The following TTC28 variants were observed in gnomAD, a reference collection of about 807,000 sequenced individuals.
The protein encoded by TTC28 is tetratricopeptide repeat protein 28.
A neutral mutation model predicts 198.0 loss-of-function variants in TTC28; 61 were observed. The observed-to-expected ratio is 0.31, with a 90% CI of 0.25 to 0.38. The LOEUF (loss-of-function observed/expected upper bound fraction) is 0.38. Among genes scored for constraint, TTC28 ranks in the 10% least tolerant of loss-of-function variants. The pLI, the probability that TTC28 is intolerant of heterozygous loss-of-function variation, is 1.00. For missense variants in TTC28, 2,678 were observed against 3,164.0 expected, an observed-to-expected ratio of 0.85 and a Z score of 3.69; for synonymous variants, 1,171 against 1,297.8, an observed-to-expected ratio of 0.90 and a Z score of 2.10.
At chr22:28,374,030 T>C (rs1269194349) in intron 2 of TTC28, among the ~76,000 whole-genome samples, 2 of 152,238 alleles carry the variant, frequency 1.3e-5, no homozygotes, top group East Asian at 1.9e-4. Flanking sequence ...TACTTAGTCA[T>C]AGACATCTGA....
intron 6 of TTC28, among the ~76,000 whole-genome samples, chr22:28,122,215 G>A (rs538602122): frequency 1.8e-4 from 27 of 152,058 alleles, no homozygotes; most frequent in Non-Finnish European, 2.8e-4. Context: ...TTACTTATTC[G>A]AATGAGTCAT....
chr22:28,124,194 TG>T (rs1164800584), intron 6 of TTC28, among the ~76,000 whole-genome samples: 1 of 151,092 alleles, frequency 6.6e-6, no homozygotes, highest in East Asian at 1.9e-4. Context: ...TTGTTGTTGT[TG>T]TTGTTTGTTT....
At chr22:28,329,859 C>G (rs973884943) in intron 2 of TTC28, among the ~76,000 whole-genome samples, 1 of 152,198 alleles carries the variant, frequency 6.6e-6, no homozygotes, top group African/African-American at 2.4e-5. Flanking sequence ...TCTTGCCTAA[C>G]ATTTCTTACC....
intron 2 of TTC28, among the ~76,000 whole-genome samples, chr22:28,356,197 C>T (rs2046074995): frequency 6.6e-6 from 1 of 152,172 alleles, no homozygotes; most frequent in Non-Finnish European, 1.5e-5. Flanking sequence ...TCTACTCCAG[C>T]TACTACTCTC....
At chr22:28,496,355 G>A (rs1478888858) in intron 2 of TTC28, among the ~76,000 whole-genome samples, 2 of 151,942 alleles carry the variant, frequency 1.3e-5, no homozygotes, top group Non-Finnish European at 2.9e-5. Context: ...CCAAAACCAA[G>A]CTCCAGATCT....
At chr22:28,596,167 T>C (rs531888115) in intron 2 of TTC28, among the ~76,000 whole-genome samples, 3 of 152,304 alleles carry the variant, frequency 2.0e-5, no homozygotes, top group East Asian at 3.9e-4. Flanking sequence ...CTCTGAATTG[T>C]AAGAAAACAA....
intron 2 of TTC28, among the ~76,000 whole-genome samples, chr22:28,315,936 A>G (rs1305257940): frequency 1.3e-5 from 2 of 152,214 alleles, no homozygotes; most frequent in Non-Finnish European, 2.9e-5. Context: ...GAAGGGATCC[A>G]GAAGAGGGGT....
chr22:28,438,898 T>C (rs1342402057), intron 2 of TTC28, among the ~76,000 whole-genome samples: 1 of 152,218 alleles, frequency 6.6e-6, no homozygotes, highest in Non-Finnish European at 1.5e-5. Context: ...CCTGGTACTA[T>C]GTTTTAACCA....
chr22:28,601,067 C>T (rs1372791574), intron 2 of TTC28, among the ~76,000 whole-genome samples: 4 of 152,088 alleles, frequency 2.6e-5, no homozygotes, highest in Admixed American at 2.6e-4. Context: ...TTAACCAACT[C>T]TTAAAATATT....
At chr22:28,677,178 ATATATAT>A (rs1569095500) in intron 1 of TTC28, among the ~76,000 whole-genome samples, 195 of 59,048 alleles carry the variant, frequency 3.3e-3, no homozygotes, top group South Asian at 9.2e-3. Context: ...AAAAAAAAAT[ATATATAT>A]ATATATATAT....
chr22:28,574,652 C>T (rs2050117940), intron 2 of TTC28, among the ~76,000 whole-genome samples: 1 of 152,100 alleles, frequency 6.6e-6, no homozygotes, highest in African/African-American at 2.4e-5. Context: ...ACGGTGTATG[C>T]GAGTTCCCTT....
rs771071907 is a variant in TTC28 at position 28,005,617 on chromosome 22, C to T, written c.4219-4064G>A. Among the ~76,000 whole-genome samples, 1 of 152,174 alleles carries T rather than the reference C, an allele frequency of 6.6e-6. No homozygotes were observed. Among genetic ancestry groups the T allele is most frequent in the Non-Finnish European group, 1.5e-5 (1 of 68,024 alleles). ...GGGTGAGGACATCCAGAGGGGCCTG[C>T]CCAGCCACGGGCCCAGAGCGCTGTC... is the stretch of plus-strand genomic sequence containing the variant. On this transcript the variant is annotated intron_variant, in intron 14 of 22. Transcript: ENST00000397906. This position sits in a 1 kb window ranked among gnomAD's most constrained non-coding sequence, Gnocchi z 4.9.
At chr22:28,241,679 A>C (rs1365795152) in intron 5 of TTC28, among the ~76,000 whole-genome samples, 1 of 152,162 alleles carries the variant, frequency 6.6e-6, no homozygotes, top group Non-Finnish European at 1.5e-5. Flanking sequence ...TAAAGGGTAC[A>C]CAGCAGTTCT....
intron 21 of TTC28, 111 bp downstream of exon 21, chr22:27,989,764 GATA>G: frequency 7.4e-7 from 1 of 1,358,240 alleles, no homozygotes; most frequent in Non-Finnish European, 9.9e-7. Flanking sequence ...ACTGTTTTAA[GATA>G]ATATTTTAAG....
intron 2 of TTC28, among the ~76,000 whole-genome samples, chr22:28,558,117 G>A (rs73168198): frequency 6.6e-6 from 1 of 152,230 alleles, no homozygotes; most frequent in Non-Finnish European, 1.5e-5. Context: ...GTGGTTTGTT[G>A]TGAAAGGTTC....
Position 28,019,611 on chromosome 22 carries a change from G to A in TTC28, c.4074-5219C>T, listed in dbSNP as rs993268380. ...TGTGAGGGATGACCTGCTCTCTGCC[G>A]TCCACCTTCCTACACTGTCACGACA... is the stretch of plus-strand genomic sequence containing the variant. On this transcript the variant is annotated intron_variant, in intron 13 of 22. Transcript: ENST00000397906. Among the ~76,000 whole-genome samples the A allele has an allele frequency of 1.7e-4, 26 of 152,168 alleles. 1 individual carries two copies. Among genetic ancestry groups the A allele is most frequent in the Admixed American group, 9.8e-4 (15 of 15,268 alleles).
At chr22:28,356,115 T>C (rs1179791894) in intron 2 of TTC28, among the ~76,000 whole-genome samples, 1 of 152,208 alleles carries the variant, frequency 6.6e-6, no homozygotes, top group Non-Finnish European at 1.5e-5. Flanking sequence ...CCAACTAACT[T>C]CATCATATTA....
chr22:28,443,669 C>T lies in TTC28; in HGVS notation c.382-137026G>A, dbSNP rs543514241. On this transcript the variant is annotated intron_variant, in intron 2 of 22. Transcript: ENST00000397906. ...CTCAGTCTGCACTAATGACTTCCTT[C>T]CCTTCAGTGCGAGCACAGCCAGCCC... Among the ~76,000 whole-genome samples, 16 of 152,196 alleles carry T rather than the reference C, an allele frequency of 1.1e-4. No individual in the cohort carries two copies. In the South Asian group the frequency reaches 3.1e-3, roughly 30 times the overall value.
At chr22:28,040,603 T>C (rs1387689463) in intron 12 of TTC28, among the ~76,000 whole-genome samples, 23 of 152,130 alleles carry the variant, frequency 1.5e-4, no homozygotes, top group Non-Finnish European at 2.8e-4. Flanking sequence ...ATAAGAGCTA[T>C]TTACCACAAA....
Sources: allele counts gnomAD v4.1 joint callset (sites outside exome capture counted in the v4.1 genomes callset), GRCh38; gene constraint gnomAD v4.1.1; non-coding constraint Gnocchi (gnomAD v3.1); transcripts MANE v1.5; gene names NCBI Gene and HGNC (gene_info 2026-07-23, HGNC 2026-07-21).